The following VWA8 variants were observed in gnomAD, a reference collection of about 807,000 sequenced individuals.
VWA8 encodes von Willebrand factor A domain-containing protein 8.
A neutral mutation model predicts 241.5 loss-of-function variants in VWA8; 221 were observed. The observed-to-expected ratio is 0.91, with a 90% CI of 0.82 to 1.02. The LOEUF (loss-of-function observed/expected upper bound fraction) is 1.02, where lower values mean the gene tolerates loss of function less well. Ranked by LOEUF, VWA8 falls within the 50% of genes least tolerant of loss-of-function variation. VWA8 has a pLI of 0.00. For missense variants in VWA8, 2,322 were observed against 2,328.7 expected (o/e 1.00, Z 0.06); for synonymous variants, 852 against 827.1 (o/e 1.03, Z -0.52).
intron 4 of VWA8, among the ~76,000 whole-genome samples, chr13:41,895,751 C>A (rs1019618718): frequency 6.6e-6 from 1 of 151,674 alleles, no homozygotes; most frequent in African/African-American, 2.4e-5. Flanking sequence ...AACTGTGATA[C>A]GTCCTGTTTG....
chr13:41,628,933 C>T (rs533604544), intron 37 of VWA8, among the ~76,000 whole-genome samples: 35 of 152,076 alleles, frequency 2.3e-4, no homozygotes, highest in African/African-American at 7.5e-4. Context: ...CCCAGCTACT[C>T]GGGAGGCTGA....
rs1332129753 is a variant in VWA8 at position 41,912,105 on chromosome 13, A to G, written c.305T>C (p.Leu102Ser). ...HLRWIMQKDL[L>S]GQDVFLIGPP... The stretch of plus-strand genomic sequence containing the variant: ...TCCTATTAGAAAAACATCTTGCCCC[A>G]AAAGATCCTTCTGCATTATCCATCT... The change falls in exon 3 of 45, where the codon TTG (leucine) becomes TCG (serine). Residue 102 changes from leucine (L) to serine (S), a missense_variant. Transcript: ENST00000379310. 1.2e-6 allele frequency: 2 copies of G among 1,610,162 alleles called. No individual in the cohort carries two copies. The highest frequency in any genetic ancestry group is 1.7e-5 in the Admixed American group (1 of 59,974).
chr13:41,831,219 CT>C (rs1439897338), intron 13 of VWA8, among the ~76,000 whole-genome samples: 1 of 152,124 alleles, frequency 6.6e-6, no homozygotes, highest in Admixed American at 6.5e-5. Flanking sequence ...CCTAAGTCTC[CT>C]AATGCCCACA....
chr13:41,598,990 A>C (rs1467154700), intron 40 of VWA8, among the ~76,000 whole-genome samples: 1 of 151,908 alleles, frequency 6.6e-6, no homozygotes, highest in Non-Finnish European at 1.5e-5. Context: ...GTTATTGTTT[A>C]TGAATATTTT....
rs115725309 is a variant in VWA8 at position 41,808,517 on chromosome 13, A to C, written c.2063+2708T>G. Among the ~76,000 whole-genome samples, 698 of 152,284 alleles carry C rather than the reference A, an allele frequency of 4.6e-3. 13 individuals carry two copies. Among genetic ancestry groups the C allele is most frequent in the African/African-American group, 0.015 (638 of 41,566 alleles). ...AACCAGATCTCATGAGAACTCACTC[A>C]CTGTCATGAGACCATCACCAAGGGG... is the stretch of plus-strand genomic sequence containing the variant. On this transcript the variant is annotated intron_variant, in intron 17 of 44. Transcript: ENST00000379310.
chr13:41,955,997 C>T (rs1878336019), intron 1 of VWA8: 1 of 152,236 alleles, frequency 6.6e-6, no homozygotes. Flanking sequence ...TATTCTGGTT[C>T]TGAGGACTGC....
At chr13:41,607,949 T>C (rs757513552) in intron 39 of VWA8, among the ~76,000 whole-genome samples, 3 of 150,568 alleles carry the variant, frequency 2.0e-5, no homozygotes, top group Non-Finnish European at 4.4e-5. Flanking sequence ...TCTTCTAAAC[T>C]ACTGTGTGTG....
Position 41,841,862 on chromosome 13 carries a change from A to G in VWA8, c.1426-8331T>C, listed in dbSNP as rs1326066567. On this transcript the variant is annotated intron_variant, in intron 12 of 44. Coordinates refer to ENST00000379310, the MANE Select transcript of VWA8 (RefSeq NM_015058.2). ...ATATATATATATATATATATATAAA[A>G]ACAGTAGACATTTAATATTTTTTCA... 1.0e-4 allele frequency among the ~76,000 whole-genome samples: 10 copies of G among 96,656 alleles called. No individual in the cohort carries two copies. In the East Asian group the frequency reaches 2.6e-3, roughly 25 times the overall value. The allele number at this position is 96,656 out of a possible 152,430, so 63.4% of individuals were successfully genotyped here. A position where few individuals can be genotyped will look rare whatever the true frequency, so the allele number is the denominator to read the frequency against.
At chr13:41,728,292 A>G (rs2045453274) in intron 23 of VWA8, among the ~76,000 whole-genome samples, 1 of 152,098 alleles carries the variant, frequency 6.6e-6, no homozygotes, top group South Asian at 2.1e-4. Flanking sequence ...GCAAAATTTA[A>G]TCAATTAATC....
chr13:41,720,713 C>G (rs9594617), intron 25 of VWA8, among the ~76,000 whole-genome samples: 2,454 of 152,212 alleles, frequency 0.016, 61 homozygotes, highest in African/African-American at 0.056. Context: ...CCCTGCCCCA[C>G]CTTTCTACTT....
At position 41,619,252 on chromosome 13, in the gene VWA8, G is replaced by A. The variant is rs111804690; in HGVS notation, c.4612-4168C>T. Among the ~76,000 whole-genome samples, 483 of 152,202 alleles carry A rather than the reference G, an allele frequency of 3.2e-3. 2 individuals are homozygous for A. Among genetic ancestry groups the A allele is most frequent in the African/African-American group, 0.011 (443 of 41,532 alleles). On this transcript the variant is annotated intron_variant, in intron 37 of 44. Coordinates refer to ENST00000379310, the MANE Select transcript of VWA8 (RefSeq NM_015058.2). The stretch of plus-strand genomic sequence containing the variant: ...AGTAATTGTGAATGGGAGTTCACTC[G>A]TGATTTGGCTCTCTGTTTGTCTGCT...
intron 10 of VWA8, among the ~76,000 whole-genome samples, chr13:41,868,034 T>A (rs1010758347): frequency 6.6e-6 from 1 of 152,224 alleles, no homozygotes; most frequent in Admixed American, 6.5e-5. Flanking sequence ...TAGGTCTCTG[T>A]AGCAGCTCAA....
intron 13 of VWA8, among the ~76,000 whole-genome samples, chr13:41,831,755 G>A (rs993131715): frequency 1.3e-5 from 2 of 151,096 alleles, no homozygotes; most frequent in Non-Finnish European, 2.9e-5. Context: ...GAGTAGCTGG[G>A]ATTACAGGTG....
chr13:41,688,837 G>T (rs1212418209), intron 34 of VWA8, among the ~76,000 whole-genome samples: 1 of 152,076 alleles, frequency 6.6e-6, no homozygotes, highest in Non-Finnish European at 1.5e-5. Flanking sequence ...TGGAGAGTGG[G>T]AGGAGGGTGA....
At chr13:41,765,146 G>C (rs1449407807) in intron 20 of VWA8, among the ~76,000 whole-genome samples, 1 of 151,416 alleles carries the variant, frequency 6.6e-6, no homozygotes, top group Admixed American at 6.6e-5. Flanking sequence ...GGTCACAGAA[G>C]AAACAGGGGA....
chr13:41,723,837 A>G (rs1231988974), intron 24 of VWA8, among the ~76,000 whole-genome samples: 1 of 152,148 alleles, frequency 6.6e-6, no homozygotes, highest in Non-Finnish European at 1.5e-5. Flanking sequence ...TTGGAGATGA[A>G]TATTTGGCAA....
At chr13:41,903,325 A>G (rs936840052) in intron 4 of VWA8, among the ~76,000 whole-genome samples, 5 of 152,180 alleles carry the variant, frequency 3.3e-5, no homozygotes, top group African/African-American at 1.2e-4. Flanking sequence ...CAAAGAAGAA[A>G]TCTACCATCA....
rs567633869 is a variant in VWA8 at position 41,708,601 on chromosome 13, C to G, written c.3117-5190G>C. 2.6e-5 allele frequency among the ~76,000 whole-genome samples: 4 copies of G among 152,258 alleles called. No individual in the cohort carries two copies. The Middle Eastern group carries it at 0.014, about 518-fold the overall frequency. On this transcript the variant is annotated intron_variant, in intron 26 of 44. Transcript: ENST00000379310. ...ATACCTGAGTATTTGTACATATTTTCTCTTTCTGTGCTTGGTTCTGCATTT... is the reference window on the plus strand; with the variant it reads ...ATACCTGAGTATTTGTACATATTTTGTCTTTCTGTGCTTGGTTCTGCATTT...
At chr13:41,730,810 AAC>A (rs1275749566) in intron 22 of VWA8, among the ~76,000 whole-genome samples, 1 of 152,022 alleles carries the variant, frequency 6.6e-6, no homozygotes, top group Non-Finnish European at 1.5e-5. Context: ...ATTTTAAGAA[AAC>A]ACAGATTAAG....
Sources: gnomAD v4.1 joint callset for allele counts (sites outside exome capture counted in the v4.1 genomes callset) on GRCh38, gnomAD v4.1.1 for gene constraint, MANE v1.5 for transcripts, NCBI Gene and HGNC (gene_info 2026-07-23, HGNC 2026-07-21) for gene names.